RBFOX1: variants seen among roughly 807,000 people sequenced by gnomAD.
RBFOX1 encodes the protein RNA binding protein fox-1 homolog 1.
Under a neutral mutation model 57.7 loss-of-function variants are expected in RBFOX1, and 8 were observed. That is an observed-to-expected ratio of 0.14 (90% CI 0.08 to 0.25). The LOEUF is 0.25. RBFOX1 is among the 10% of genes least tolerant of loss of function. The probability of loss-of-function intolerance (pLI) is 1.00; values close to 1 mark genes in which losing one functional copy is unlikely to be tolerated. For synonymous variants in RBFOX1, 326 were observed against 222.4 expected, an observed-to-expected ratio of 1.47 and a Z score of -4.15; for missense variants, 611 against 548.5, an observed-to-expected ratio of 1.11 and a Z score of -1.14.
intron 3 of RBFOX1, among the ~76,000 whole-genome samples, chr16:6,773,481 G>A (rs962440062): frequency 4.7e-5 from 7 of 148,248 alleles, no homozygotes; most frequent in Non-Finnish European, 1.0e-4. Flanking sequence ...GTGTGGGTGT[G>A]GGGTATATTT....
At chr16:6,562,834 T>C (rs11865466) in intron 2 of RBFOX1, among the ~76,000 whole-genome samples, 11,637 of 51,048 alleles carry the variant, frequency 0.23, 2,146 homozygotes, top group African/African-American at 0.5. Context: ...CTTGATTCTT[T>C]TCTTTCTTTC....
At chr16:7,052,944 A>C (rs1389061541) in intron 4 of RBFOX1, among the ~76,000 whole-genome samples, 1 of 152,204 alleles carries the variant, frequency 6.6e-6, no homozygotes, top group South Asian at 2.1e-4. Flanking sequence ...TCAAATTGTT[A>C]TAAAAATCAG....
Position 6,344,407 on chromosome 16 carries a change from C to CTTTTTTT in RBFOX1, c.-64+27356_-64+27362dup, listed in dbSNP as rs60637926. Among the ~76,000 whole-genome samples, 5 of 109,844 alleles carry CTTTTTTT rather than the reference C, an allele frequency of 4.6e-5. 1 individual carries two copies. Among genetic ancestry groups the CTTTTTTT allele is most frequent in the Non-Finnish European group, 5.1e-5 (3 of 59,146 alleles). 72.1% of individuals were successfully genotyped at this position (109,844 alleles called of 152,430 possible). The stretch of plus-strand genomic sequence containing the variant: ...TCTCTTCTTCTTTTTTCTTTTTTTT[C>CTTTTTTT]TTTTTTTTTTTTGAGACAGAGTCTC... On this transcript the variant is annotated intron_variant, in intron 2 of 15. Coordinates refer to ENST00000550418, the MANE Select transcript of RBFOX1 (RefSeq NM_018723.4).
At chr16:7,312,925 A>C (rs995374821) in intron 4 of RBFOX1, among the ~76,000 whole-genome samples, 4 of 152,068 alleles carry the variant, frequency 2.6e-5, no homozygotes, top group African/African-American at 9.6e-5. Context: ...TGGGGGCCCC[A>C]GGGTGCCTGG....
At chr16:7,676,012 T>C (rs183987615) in intron 13 of RBFOX1, among the ~76,000 whole-genome samples, 91 of 152,352 alleles carry the variant, frequency 6.0e-4, no homozygotes, top group African/African-American at 1.9e-3. Flanking sequence ...CTTTGCTTAA[T>C]TGAACAATTG....
chr16:5,463,238 T>C (rs776520941), intron 1 of RBFOX1, among the ~76,000 whole-genome samples: 43 of 152,236 alleles, frequency 2.8e-4, no homozygotes, highest in Admixed American at 6.5e-4. Context: ...ACGGATTTTG[T>C]TTTTTATAAA....
At chr16:6,875,178 T>TC (rs2061614541) in intron 3 of RBFOX1, among the ~76,000 whole-genome samples, 1 of 152,206 alleles carries the variant, frequency 6.6e-6, no homozygotes, top group African/African-American at 2.4e-5. Flanking sequence ...CACATAATCA[T>TC]CTTCTTTGTA....
chr16:5,338,197 A>G (rs370496105), intron 1 of RBFOX1, among the ~76,000 whole-genome samples: 4 of 152,198 alleles, frequency 2.6e-5, no homozygotes, highest in Admixed American at 6.5e-5. Context: ...CTATGAGAAC[A>G]TGATCTCATA....
chr16:7,667,692 A>G (rs2069845896), intron 13 of RBFOX1, among the ~76,000 whole-genome samples: 1 of 151,932 alleles, frequency 6.6e-6, no homozygotes, highest in African/African-American at 2.4e-5. Context: ...TGTTATTATT[A>G]TATTTTTTGA....
Position 5,867,431 on chromosome 16 carries a change from G to A in RBFOX1, c.351+96G>A, listed in dbSNP as rs1398016227. 31 of 853,130 alleles carry A rather than the reference G, an allele frequency of 3.6e-5. 1 individual carries two copies. The Admixed American group carries it at 7.3e-4, about 20-fold the overall frequency. 52.8% of individuals were successfully genotyped at this position (853,130 alleles called of 1,614,324 possible). A position where few individuals can be genotyped will look rare whatever the true frequency, so the allele number is the denominator to read the frequency against. ...CGAGCATTCTAGCAATGATTCTTCC[G>A]TGTTTCATTTCCTGGTGGCTTGGAT... On this transcript the variant is annotated intron_variant, in intron 4 of 19. Transcript: ENST00000641259.
chr16:5,615,058 G>A (rs539638406), intron 3 of RBFOX1, among the ~76,000 whole-genome samples: 1 of 152,260 alleles, frequency 6.6e-6, no homozygotes, highest in East Asian at 1.9e-4. Flanking sequence ...TTTTTGAGAT[G>A]GGGTTTCACT....
chr16:6,429,323 G>A (rs541629701), intron 2 of RBFOX1, among the ~76,000 whole-genome samples: 1 of 152,352 alleles, frequency 6.6e-6, no homozygotes, highest in South Asian at 2.1e-4. Context: ...CCCCACCACT[G>A]CTGCTGCAGG....
At chr16:5,502,140 A>C (rs560844605) in intron 2 of RBFOX1, among the ~76,000 whole-genome samples, 1 of 152,258 alleles carries the variant, frequency 6.6e-6, no homozygotes, top group African/African-American at 2.4e-5. Context: ...GGTTAGCTAA[A>C]CTAGGGGAAG....
chr16:6,891,369 C>A (rs149767797), intron 3 of RBFOX1, among the ~76,000 whole-genome samples: 3 of 152,118 alleles, frequency 2.0e-5, no homozygotes, highest in Non-Finnish European at 4.4e-5. Context: ...GATACAGACA[C>A]TAAATTTGGG....
At chr16:7,663,834 G>A (rs151101111) in intron 12 of RBFOX1, among the ~76,000 whole-genome samples, 4 of 152,158 alleles carry the variant, frequency 2.6e-5, no homozygotes, top group South Asian at 2.1e-4. Flanking sequence ...TATGATTCTC[G>A]TTAAACTCGT....
rs534696588 is a variant in RBFOX1 at position 7,491,590 on chromosome 16, T to C, written c.28-26557T>C. 3.3e-5 allele frequency among the ~76,000 whole-genome samples: 5 copies of C among 151,982 alleles called. No individual in the cohort carries two copies. In the South Asian group the frequency reaches 1.0e-3, roughly 32 times the overall value. On this transcript the variant is annotated intron_variant, in intron 4 of 15. Coordinates refer to ENST00000550418, the MANE Select transcript of RBFOX1 (RefSeq NM_018723.4). The stretch of plus-strand genomic sequence containing the variant: ...ATTAGTTCTGTCTCTCTCTAAATTA[T>C]TTGCTTTATGTAATAGGAACATGCC...
At chr16:7,551,943 G>A (rs753928758) in intron 5 of RBFOX1, among the ~76,000 whole-genome samples, 2 of 152,156 alleles carry the variant, frequency 1.3e-5, no homozygotes, top group Non-Finnish European at 1.5e-5. Context: ...AACCCTAGGA[G>A]GAATATTCCA....
chr16:6,238,527 C>G (rs539952541), intron 1 of RBFOX1, among the ~76,000 whole-genome samples: 1 of 152,262 alleles, frequency 6.6e-6, no homozygotes, highest in African/African-American at 2.4e-5. Context: ...CAAACCCTAT[C>G]CGTAGCTTTC....
At chr16:6,208,703 C>T (rs1447140209) in intron 1 of RBFOX1, among the ~76,000 whole-genome samples, 3 of 152,146 alleles carry the variant, frequency 2.0e-5, no homozygotes, top group Non-Finnish European at 4.4e-5. Context: ...TTTAAAGAGT[C>T]AGAACCTTCC....
Sources: gnomAD v4.1 joint callset for allele counts (sites outside exome capture counted in the v4.1 genomes callset) on GRCh38, gnomAD v4.1.1 for gene constraint, MANE v1.5 for transcripts, NCBI Gene and HGNC (gene_info 2026-07-23, HGNC 2026-07-21) for gene names.